The following RBMS3 variants were observed in gnomAD, a reference collection of about 807,000 sequenced individuals.
RBMS3 encodes RNA-binding motif, single-stranded-interacting protein 3.
Under a neutral mutation model 66.8 loss-of-function variants are expected in RBMS3, and 27 were observed. That is an observed-to-expected ratio of 0.40 (90% CI 0.30 to 0.56). The LOEUF is 0.56. Among genes scored for constraint, RBMS3 ranks in the 20% least tolerant of loss-of-function variants. The probability of loss-of-function intolerance (pLI) is 0.40; values close to 1 mark genes in which losing one functional copy is unlikely to be tolerated. For synonymous variants in RBMS3, 188 were observed against 183.0 expected (o/e 1.03, Z -0.22); for missense variants, 513 against 549.5 (o/e 0.93, Z 0.66).
intron 3 of RBMS3, among the ~76,000 whole-genome samples, chr3:29,503,493 G>T (rs549158164): frequency 6.6e-6 from 1 of 152,080 alleles, no homozygotes; most frequent in South Asian, 2.1e-4. Flanking sequence ...ACAGTGTTTA[G>T]ATTCTAACTA....
chr3:29,566,124 G>A (rs925439193), intron 3 of RBMS3, among the ~76,000 whole-genome samples: 9 of 152,110 alleles, frequency 5.9e-5, no homozygotes, highest in Non-Finnish European at 1.3e-4. Flanking sequence ...CAGAATGTGT[G>A]GTAAGATGAT....
At chr3:29,455,457 G>A (rs1410645882) in intron 2 of RBMS3, among the ~76,000 whole-genome samples, 1 of 142,126 alleles carries the variant, frequency 7.0e-6, no homozygotes, top group Non-Finnish European at 1.6e-5. Context: ...ATCAAATATT[G>A]AACCAGAGCT....
Position 29,975,896 on chromosome 3 carries a change from G to A in RBMS3, c.1099-12247G>A, listed in dbSNP as rs1697548109. Among the ~76,000 whole-genome samples the A allele has an allele frequency of 2.0e-5, 3 of 151,660 alleles. No individual in the cohort carries two copies. The South Asian group carries it at 6.2e-4, about 32-fold the overall frequency. On this transcript the variant is annotated intron_variant, in intron 12 of 14. Coordinates refer to ENST00000383767, the MANE Select transcript of RBMS3 (RefSeq NM_001003793.3). Reference sequence around the variant, plus strand: ...AAGAAATCTGCTTGAATTTCAATGGGGATTGCAATTTGTAAGGAAAATTTA... The same window carrying A: ...AAGAAATCTGCTTGAATTTCAATGGAGATTGCAATTTGTAAGGAAAATTTA...
At chr3:29,559,882 T>C (rs1313101383) in intron 3 of RBMS3, among the ~76,000 whole-genome samples, 2 of 152,192 alleles carry the variant, frequency 1.3e-5, no homozygotes, top group Non-Finnish European at 2.9e-5. Context: ...TGTGTTTACT[T>C]ATGCTTCTCA....
intron 6 of RBMS3, among the ~76,000 whole-genome samples, chr3:29,843,294 C>G (rs28548471): frequency 0.012 from 1,775 of 152,264 alleles, 29 homozygotes; most frequent in African/African-American, 0.039. Flanking sequence ...TTTCCTTGAA[C>G]TTGATCCTTA....
chr3:29,317,325 G>C (rs1359287613), intron 1 of RBMS3, among the ~76,000 whole-genome samples: 1 of 151,710 alleles, frequency 6.6e-6, no homozygotes, highest in East Asian at 1.9e-4. Flanking sequence ...TCTATGTCCA[G>C]ATAGGATATT....
rs914021021 is a variant in RBMS3 at position 30,005,775 on chromosome 3, A to G, written c.*1913A>G. Reference sequence around the variant, plus strand: ...TAATTCTTTGAGGCATGTAGGACCAATAAGATTGAGAATTCTATTGGTGGA... The same window carrying G: ...TAATTCTTTGAGGCATGTAGGACCAGTAAGATTGAGAATTCTATTGGTGGA... On this transcript the variant is annotated 3_prime_UTR_variant, in exon 15 of 15. Coordinates refer to ENST00000383767, the MANE Select transcript of RBMS3 (RefSeq NM_001003793.3). 2 of 151,860 alleles carry G rather than the reference A, an allele frequency of 1.3e-5. No homozygotes were observed. The highest frequency in any genetic ancestry group is 2.9e-5 in the Non-Finnish European group (2 of 67,820). 9.4% of individuals were successfully genotyped at this position (151,860 alleles called of 1,614,324 possible). A position where few individuals can be genotyped will look rare whatever the true frequency, so the allele number is the denominator to read the frequency against.
At chr3:29,983,500 T>G (rs1411328024) in intron 12 of RBMS3, among the ~76,000 whole-genome samples, 1 of 152,236 alleles carries the variant, frequency 6.6e-6, no homozygotes, top group East Asian at 1.9e-4. Context: ...ATGCAGTTTT[T>G]TCATAGTGTC....
intron 5 of RBMS3, among the ~76,000 whole-genome samples, chr3:29,754,548 A>G (rs1195873053): frequency 1.3e-5 from 2 of 152,192 alleles, no homozygotes; most frequent in African/African-American, 4.8e-5. Flanking sequence ...TGCTCATATC[A>G]GGACTCCAGC....
At chr3:29,652,490 A>G (rs1189823351) in intron 4 of RBMS3, among the ~76,000 whole-genome samples, 1 of 152,086 alleles carries the variant, frequency 6.6e-6, no homozygotes, top group African/African-American at 2.4e-5. Context: ...TTTATCACAA[A>G]TCAATGGTTT....
At chr3:29,582,441 A>C (rs1020269111) in intron 3 of RBMS3, among the ~76,000 whole-genome samples, 2 of 152,200 alleles carry the variant, frequency 1.3e-5, no homozygotes, top group Non-Finnish European at 2.9e-5. Context: ...AAGAAAAACA[A>C]GGACAGGAGT....
At chr3:29,638,821 T>C (rs2049570337) in intron 4 of RBMS3, among the ~76,000 whole-genome samples, 1 of 151,914 alleles carries the variant, frequency 6.6e-6, no homozygotes, top group Admixed American at 6.6e-5. Context: ...TGTTATTCTT[T>C]AGGCATTACT....
At chr3:29,933,032 A>G (rs1359461620) in intron 10 of RBMS3, among the ~76,000 whole-genome samples, 2 of 152,176 alleles carry the variant, frequency 1.3e-5, no homozygotes, top group African/African-American at 4.8e-5. Context: ...TGCAGCCCAA[A>G]CATTGAGCAA....
intron 6 of RBMS3, among the ~76,000 whole-genome samples, chr3:29,777,275 T>C (rs77094338): frequency 0.017 from 2,514 of 152,080 alleles, 63 homozygotes; most frequent in African/African-American, 0.056. Flanking sequence ...TAACAACTGT[T>C]GTATGCTTAT....
chr3:29,505,506 GT>G (rs749285833), intron 3 of RBMS3, among the ~76,000 whole-genome samples: 26 of 107,278 alleles, frequency 2.4e-4, no homozygotes, highest in East Asian at 1.6e-3. Context: ...CTTCAATTTT[GT>G]TTTTTTTTTT....
intron 1 of RBMS3, among the ~76,000 whole-genome samples, chr3:29,372,396 C>G (rs565179061): frequency 6.6e-6 from 1 of 151,808 alleles, no homozygotes; most frequent in African/African-American, 2.4e-5. Context: ...TTAATAATTC[C>G]GGGTTCTATT....
intron 4 of RBMS3, among the ~76,000 whole-genome samples, chr3:29,657,621 C>G (rs1264122580): frequency 6.6e-6 from 1 of 152,080 alleles, no homozygotes; most frequent in Non-Finnish European, 1.5e-5. Context: ...TTCTGAGACT[C>G]TCAAGGGAGG....
chr3:29,506,662 G>T (rs948419488), intron 3 of RBMS3, among the ~76,000 whole-genome samples: 1 of 151,856 alleles, frequency 6.6e-6, no homozygotes, highest in Non-Finnish European at 1.5e-5. Flanking sequence ...ATTAGTATCG[G>T]TTCTTCTTTA....
chr3:29,334,612 G>A (rs2035844024), intron 1 of RBMS3, among the ~76,000 whole-genome samples: 1 of 152,050 alleles, frequency 6.6e-6, no homozygotes, highest in South Asian at 2.1e-4. Flanking sequence ...ACTAAATGAG[G>A]CTTATGGATG....
Sources: gnomAD v4.1 joint callset for allele counts (sites outside exome capture counted in the v4.1 genomes callset) on GRCh38, gnomAD v4.1.1 for gene constraint, MANE v1.5 for transcripts, NCBI Gene and HGNC (gene_info 2026-07-23, HGNC 2026-07-21) for gene names.